PHC2: variants seen among roughly 807,000 people sequenced by gnomAD.
The protein encoded by PHC2 is polyhomeotic-like protein 2.
Under a neutral mutation model 87.4 loss-of-function variants are expected in PHC2, and 29 were observed. The observed-to-expected ratio is 0.33, with a 90% CI of 0.25 to 0.45. The LOEUF is 0.45. PHC2 is among the 20% of genes least tolerant of loss of function. PHC2 has a pLI of 1.00. For missense variants in PHC2, 857 were observed against 1,136.7 expected, an observed-to-expected ratio of 0.75 and a Z score of 3.54; for synonymous variants, 438 against 461.7, an observed-to-expected ratio of 0.95 and a Z score of 0.66.
At chr1:33,329,935 G>T in intron 13 of PHC2, 136 bp downstream of exon 13, 1 of 940,602 alleles carries the variant, frequency 1.1e-6, no homozygotes, top group Non-Finnish European at 1.6e-6. Flanking sequence ...GGCTCGACTG[G>T]ACAGGTCTAC....
chr1:33,407,238 A>G (rs1271928457), intron 1 of PHC2, among the ~76,000 whole-genome samples: 1 of 152,150 alleles, frequency 6.6e-6, no homozygotes, highest in Non-Finnish European at 1.5e-5. Flanking sequence ...CATGATTGCA[A>G]TTTCTGAAGT....
At chr1:33,338,717 T>C (rs550450733) in intron 9 of PHC2, among the ~76,000 whole-genome samples, 20 of 152,370 alleles carry the variant, frequency 1.3e-4, no homozygotes, top group South Asian at 6.2e-4. Context: ...TTTGGTTCCT[T>C]ACTCAATTCC....
chr1:33,401,128 C>T (rs936395926), intron 1 of PHC2, among the ~76,000 whole-genome samples: 2 of 152,056 alleles, frequency 1.3e-5, no homozygotes, highest in Non-Finnish European at 2.9e-5. Flanking sequence ...AGATCCAAAC[C>T]ATCCTGGCTA....
intron 9 of PHC2, among the ~76,000 whole-genome samples, chr1:33,353,913 AGAGCT>A (rs1300537011): frequency 6.6e-6 from 1 of 152,234 alleles, no homozygotes; most frequent in African/African-American, 2.4e-5. Context: ...TGGGGATCCC[AGAGCT>A]GAGCAGTTTT....
In PHC2 at chr1:33,404,252, T is replaced by C. The variant is rs553763293; in HGVS notation, c.-55+26724A>G. 4.6e-5 allele frequency among the ~76,000 whole-genome samples: 7 copies of C among 152,322 alleles called. No homozygotes were observed. In the South Asian group the frequency reaches 1.2e-3, roughly 27 times the overall value. ...CTTGATTAAAACAAATAGGCTTTTG[T>C]TTTTCCATCTATAGAATAAAATAAC... On this transcript the variant is annotated intron_variant, in intron 1 of 14. Coordinates refer to ENST00000683057, the MANE Select transcript of PHC2 (RefSeq NM_001385109.1).
At chr1:33,408,397 AC>A (rs1374740581) in intron 1 of PHC2, among the ~76,000 whole-genome samples, 3 of 152,182 alleles carry the variant, frequency 2.0e-5, no homozygotes, top group Non-Finnish European at 4.4e-5. Context: ...CTTTCTCCTG[AC>A]TAGACAGTAA....
chr1:33,376,499 T>G (rs763293182), intron 1 of PHC2, among the ~76,000 whole-genome samples: 84 of 152,244 alleles, frequency 5.5e-4, no homozygotes, highest in Non-Finnish European at 1.1e-3. Context: ...TCCTATAACG[T>G]TCTCCCTAGC....
chr1:33,348,581 G>A (rs570091126), intron 9 of PHC2, among the ~76,000 whole-genome samples: 1 of 152,304 alleles, frequency 6.6e-6, no homozygotes, highest in Non-Finnish European at 1.5e-5. Context: ...AATTGGGGCT[G>A]TCCTAGAAAA....
At chr1:33,376,758 A>G (rs1199574572) in intron 1 of PHC2, among the ~76,000 whole-genome samples, 1 of 152,134 alleles carries the variant, frequency 6.6e-6, no homozygotes, top group Non-Finnish European at 1.5e-5. Context: ...GTGAAACCCC[A>G]TCTTTACTAT....
intron 7 of PHC2, among the ~76,000 whole-genome samples, chr1:33,365,678 CA>C (rs1647407558): frequency 6.6e-6 from 1 of 152,228 alleles, no homozygotes; most frequent in East Asian, 1.9e-4. Flanking sequence ...TCTGAAGCCA[CA>C]GGGCCGTGAG....
intron 1 of PHC2, among the ~76,000 whole-genome samples, chr1:33,387,676 C>T (rs1284995136): frequency 6.6e-6 from 1 of 152,188 alleles, no homozygotes; most frequent in Admixed American, 6.5e-5. Context: ...TTATCGGAGC[C>T]CCAGAGCTAG....
rs1648545915 is a variant in PHC2 at position 33,382,602 on chromosome 1, G to C, written c.-54-7009C>G. 6.6e-6 allele frequency among the ~76,000 whole-genome samples: 1 copy of C among 152,108 alleles called. No homozygotes were observed. Among genetic ancestry groups the C allele is most frequent in the Non-Finnish European group, 1.5e-5 (1 of 68,026 alleles). ...ACTGTGTGGTTTTGTATGAGCCCGGGCTCTGAAGGGCTATGATTCCTATTT... is the reference window on the plus strand; with the variant it reads ...ACTGTGTGGTTTTGTATGAGCCCGGCCTCTGAAGGGCTATGATTCCTATTT... On this transcript the variant is annotated intron_variant, in intron 1 of 14. Coordinates refer to ENST00000683057, the MANE Select transcript of PHC2 (RefSeq NM_001385109.1). The surrounding 1 kb of genome is among the most constrained non-coding windows in gnomAD (Gnocchi z 4.3).
rs112382571 is a variant in PHC2 at position 33,335,975 on chromosome 1, T to TTTGTTG, written c.1559-1689_1559-1684dup. 4.6e-3 allele frequency among the ~76,000 whole-genome samples: 686 copies of TTTGTTG among 149,350 alleles called. 11 individuals are homozygous for TTTGTTG. Among genetic ancestry groups the TTTGTTG allele is most frequent in the African/African-American group, 0.016 (627 of 40,264 alleles). ...GTCTTGGTCCACTCAAGCTCATGTTTTTGTTGTTGTTGTTGTTGTTGTTTT... is the reference window on the plus strand; with the variant it reads ...GTCTTGGTCCACTCAAGCTCATGTTTTTGTTGTTGTTGTTGTTGTTGTTGTTGTTTT... On this transcript the variant is annotated intron_variant, in intron 9 of 14. Transcript: ENST00000683057.
intron 9 of PHC2, chr1:33,336,941 C>G (rs1049310146): frequency 6.6e-6 from 1 of 152,222 alleles, no homozygotes; most frequent in Admixed American, 6.5e-5. Flanking sequence ...ATGATTCAAT[C>G]AAATTAAGTT....
intron 1 of PHC2, among the ~76,000 whole-genome samples, chr1:33,398,835 A>G (rs1649399966): frequency 6.6e-6 from 1 of 152,170 alleles, no homozygotes; most frequent in African/African-American, 2.4e-5. Flanking sequence ...TTCACAACAG[A>G]GGGCACAGTT....
intron 1 of PHC2, among the ~76,000 whole-genome samples, chr1:33,428,542 T>C (rs968973926): frequency 3.9e-5 from 6 of 152,216 alleles, no homozygotes; most frequent in East Asian, 1.9e-4. Context: ...AGAAGAGTTT[T>C]GGGGATGAGG....
chr1:33,389,614 C>G (rs1648948337), intron 1 of PHC2, among the ~76,000 whole-genome samples: 1 of 152,128 alleles, frequency 6.6e-6, no homozygotes, highest in Non-Finnish European at 1.5e-5. Context: ...GTCCCCTGGG[C>G]CTAGCTCTGG....
At chr1:33,377,756 T>A (rs981874055) in intron 1 of PHC2, among the ~76,000 whole-genome samples, 2 of 152,046 alleles carry the variant, frequency 1.3e-5, no homozygotes, top group African/African-American at 4.8e-5. Context: ...GCCAAAGTAA[T>A]CATTACTATT....
At chr1:33,370,085 T>C (rs1399408137) in intron 5 of PHC2, among the ~76,000 whole-genome samples, 5 of 152,202 alleles carry the variant, frequency 3.3e-5, no homozygotes, top group Non-Finnish European at 7.4e-5. Context: ...TGTCTGGGTG[T>C]CCAGGACCAC....
Sources: gnomAD v4.1 joint callset for allele counts (sites outside exome capture counted in the v4.1 genomes callset) on GRCh38, gnomAD v4.1.1 for gene constraint, Gnocchi (gnomAD v3.1) non-coding constraint, MANE v1.5 for transcripts, NCBI Gene and HGNC (gene_info 2026-07-23, HGNC 2026-07-21) for gene names.